Variants in GALNT7 observed in about 807,000 individuals in gnomAD.
GALNT7 encodes the protein N-acetylgalactosaminyltransferase 7.
A neutral mutation model predicts 82.1 loss-of-function variants in GALNT7; 60 were observed. The ratio of observed to expected loss-of-function variants is 0.73; its 90% confidence interval spans 0.59 to 0.91. The LOEUF (loss-of-function observed/expected upper bound fraction) is 0.91. GALNT7 is among the 40% of genes least tolerant of loss of function. The pLI is 0.00. For missense variants in GALNT7, 660 were observed against 804.2 expected, an observed-to-expected ratio of 0.82 and a Z score of 2.17; for synonymous variants, 243 against 275.1, an observed-to-expected ratio of 0.88 and a Z score of 1.15.
At position 173,248,100 on chromosome 4, in the gene GALNT7, G is replaced by C; in HGVS notation, c.247G>C (p.Glu83Gln). ...PHVEGVEVDL[E>Q]SIRRINKAKN... is the part of the protein sequence containing the mutation. The stretch of plus-strand genomic sequence containing the variant: ...TGTTGAAGGAGTAGAAGTGGACTTA[G>C]AGTCTATTAGAAGAATAAACAAGGC... Residue 83 changes from glutamate to glutamine, a missense_variant, in exon 2 of 12, where the codon GAG becomes CAG. This residue lies in a region of GALNT7 where 133 missense variants were observed against 120.7 expected (regional missense o/e 1.10). Transcript: ENST00000265000. The C allele has an allele frequency of 6.2e-7, 1 of 1,613,592 alleles. No individual in the cohort carries two copies. Among genetic ancestry groups the C allele is most frequent in the African/African-American group, 1.3e-5 (1 of 75,026 alleles).
chr4:173,304,562 C>G (rs1207839432), intron 8 of GALNT7, among the ~76,000 whole-genome samples: 2 of 151,944 alleles, frequency 1.3e-5, no homozygotes, highest in Non-Finnish European at 2.9e-5. Flanking sequence ...GCTGAGAACA[C>G]TTAAAATTTG....
intron 1 of GALNT7, among the ~76,000 whole-genome samples, chr4:173,206,435 T>A (rs1733100921): frequency 6.6e-6 from 1 of 152,220 alleles, no homozygotes; most frequent in South Asian, 2.1e-4. Context: ...TGATGTGTAC[T>A]GGAAAGTCCT....
In GALNT7 at chr4:173,183,795, C is replaced by T. The variant is rs376563381; in HGVS notation, c.126+14834C>T. Among the ~76,000 whole-genome samples, 701 of 151,360 alleles carry T rather than the reference C, an allele frequency of 4.6e-3. 5 individuals carry two copies. Among genetic ancestry groups the T allele is most frequent in the African/African-American group, 0.016 (663 of 41,234 alleles). Reference sequence around the variant, plus strand: ...CCTGGCAGGGACTGCCCCCCACCTCCCTGACGGCGCGGCTGGCCGGGCGGG... The same window carrying T: ...CCTGGCAGGGACTGCCCCCCACCTCTCTGACGGCGCGGCTGGCCGGGCGGG... On this transcript the variant is annotated intron_variant, in intron 1 of 11. Coordinates refer to ENST00000265000, the MANE Select transcript of GALNT7 (RefSeq NM_017423.3).
chr4:173,295,458 C>A lies in GALNT7; in HGVS notation c.817C>A (p.Arg273=). 1 of 1,610,364 alleles carries A rather than the reference C, an allele frequency of 6.2e-7. No homozygotes were observed. Residue 273 remains arginine (R), a synonymous_variant, in exon 4 of 12, where the codon CGA becomes AGA. Transcript: ENST00000265000. The stretch of plus-strand genomic sequence containing the variant: ...GTGGAATGGCCTAGTGAAGGTATTT[C>A]GAAATGAAAGAAGGGAAGGTTTAAT... ...KLWNGLVKVF[R]NERREGLIQA...
chr4:173,297,752 C>T, intron 5 of GALNT7: 8 of 1,067,758 alleles, frequency 7.5e-6, no homozygotes, highest in Non-Finnish European at 1.0e-5. Flanking sequence ...CTGAACTAGT[C>T]TTGGGTTCTT....
chr4:173,187,657 A>G (rs1358907828), intron 1 of GALNT7, among the ~76,000 whole-genome samples: 2 of 152,232 alleles, frequency 1.3e-5, no homozygotes, highest in African/African-American at 4.8e-5. Context: ...AACATAGTTC[A>G]TAACTTAAAG....
chr4:173,242,762 G>A (rs892402854), intron 1 of GALNT7, among the ~76,000 whole-genome samples: 1 of 152,190 alleles, frequency 6.6e-6, no homozygotes, highest in Non-Finnish European at 1.5e-5. Flanking sequence ...AGTCTGGGGA[G>A]CCCCAGCCTA....
chr4:173,169,105 G>A (rs1731745487), intron 1 of GALNT7, 144 bp downstream of exon 1: 17 of 612,622 alleles, frequency 2.8e-5, no homozygotes, highest in Non-Finnish European at 4.0e-5. Flanking sequence ...AGCGCGGGCC[G>A]AGGGGGTGCC....
At chr4:173,251,009 T>C (rs909170550) in intron 2 of GALNT7, among the ~76,000 whole-genome samples, 5 of 152,260 alleles carry the variant, frequency 3.3e-5, no homozygotes, top group East Asian at 1.9e-4. Flanking sequence ...TCATGGTATC[T>C]ATCAAATTTT....
At chr4:173,226,243 G>A (rs1733822302) in intron 1 of GALNT7, among the ~76,000 whole-genome samples, 1 of 152,090 alleles carries the variant, frequency 6.6e-6, no homozygotes, top group African/African-American at 2.4e-5. Context: ...TCCCATTGAA[G>A]AATATATATA....
At chr4:173,180,750 G>C (rs1209425034) in intron 1 of GALNT7, among the ~76,000 whole-genome samples, 1 of 152,184 alleles carries the variant, frequency 6.6e-6, no homozygotes, top group Non-Finnish European at 1.5e-5. Flanking sequence ...TTTTGATTGT[G>C]CTTACTTGAG....
intron 1 of GALNT7, among the ~76,000 whole-genome samples, chr4:173,235,232 C>A (rs4696054): frequency 0.67 from 101,232 of 152,032 alleles, 36,953 homozygotes; most frequent in East Asian, 0.87. Flanking sequence ...TGCTTCTGTC[C>A]CTTCCAAGGT....
intron 1 of GALNT7, among the ~76,000 whole-genome samples, chr4:173,213,237 CCTT>C (rs1733339861): frequency 6.6e-6 from 1 of 150,888 alleles, no homozygotes; most frequent in South Asian, 2.1e-4. Context: ...GTTTTTTTTT[CCTT>C]CTTATGCAGA....
intron 2 of GALNT7, among the ~76,000 whole-genome samples, chr4:173,283,912 C>T (rs1398785856): frequency 2.0e-5 from 3 of 152,198 alleles, no homozygotes; most frequent in African/African-American, 7.2e-5. Flanking sequence ...TACTTACAAC[C>T]AGTTTCTGAA....
At chr4:173,276,180 G>A (rs1389039772) in intron 2 of GALNT7, among the ~76,000 whole-genome samples, 2 of 152,074 alleles carry the variant, frequency 1.3e-5, no homozygotes, top group East Asian at 1.9e-4. Flanking sequence ...TATAGTACTC[G>A]TGTGACAAAG....
chr4:173,216,723 A>ATTTTTT (rs1561157857), intron 1 of GALNT7, among the ~76,000 whole-genome samples: 2 of 8,464 alleles, frequency 2.4e-4, no homozygotes, highest in African/African-American at 3.5e-4. Flanking sequence ...ATATATATAT[A>ATTTTTT]TATATTTTTT....
At chr4:173,294,392 T>A (rs949226327) in intron 3 of GALNT7, among the ~76,000 whole-genome samples, 1 of 151,402 alleles carries the variant, frequency 6.6e-6, no homozygotes, top group East Asian at 1.9e-4. Context: ...AAATAGAAAG[T>A]TTTTTTTCTC....
rs70944442 is a variant in GALNT7 at position 173,288,282 on chromosome 4, CAAAAAA to C, written c.588-3808_588-3803del. 7.1e-4 allele frequency among the ~76,000 whole-genome samples: 45 copies of C among 62,972 alleles called. 1 individual carries two copies. In the South Asian group the frequency reaches 0.019, roughly 27 times the overall value. The allele number at this position is 62,972 out of a possible 152,430, so 41.3% of individuals were successfully genotyped here. ...TGGGCGACAGAGCGAGACTCCATCT[CAAAAAA>C]AAAAAAAAAAAAAAAAAGAAAAGAA... is the stretch of plus-strand genomic sequence containing the variant. On this transcript the variant is annotated intron_variant, in intron 2 of 11. Transcript: ENST00000265000.
chr4:173,297,779 T>C, intron 5 of GALNT7: 2 of 1,311,930 alleles, frequency 1.5e-6, no homozygotes, highest in Non-Finnish European at 2.0e-6. Context: ...TTTTTCATTT[T>C]CTGTAAATGT....
Sources: gnomAD v4.1 joint callset for allele counts (sites outside exome capture counted in the v4.1 genomes callset) on GRCh38, gnomAD v4.1.1 for gene constraint, gnomAD v4.1.1 regional missense constraint, MANE v1.5 for transcripts, NCBI Gene and HGNC (gene_info 2026-07-23, HGNC 2026-07-21) for gene names.